The following RAB33A variants were observed in gnomAD, a reference collection of about 807,000 sequenced individuals.
RAB33A encodes the protein ras-related protein Rab-33A.
Under a neutral mutation model 12.0 loss-of-function variants are expected in RAB33A, and 6 were observed. The ratio of observed to expected loss-of-function variants is 0.50; its 90% CI spans 0.27 to 0.99. The LOEUF (loss-of-function observed/expected upper bound fraction) is 0.99. Ranked by LOEUF, RAB33A falls within the 50% of genes least tolerant of loss-of-function variation. The pLI is 0.11. For synonymous variants in RAB33A, 70 were observed against 82.4 expected (o/e 0.85, Z 0.81); for missense variants, 109 against 192.0 (o/e 0.57, Z 2.55).
Position 130,172,272 on chromosome X carries a change from C to T in RAB33A, c.210C>T (p.Gly70=). The change falls in exon 1 of 2, where the codon GGC becomes GGT. Residue 70 remains glycine, a synonymous_variant. Coordinates refer to ENST00000257017, the MANE Select transcript of RAB33A (RefSeq NM_004794.3). ...TFPDKTEATI[G]VDFREKTVEI... ...CAGACAAGACTGAAGCCACCATCGG[C>T]GTGGACTTCAGGGAGAAGACCGTGG... 1.7e-6 allele frequency: 2 copies of T among 1,211,619 alleles called. No individual in the cohort carries two copies. The highest frequency in any genetic ancestry group is 4.3e-5 in the Admixed American group (2 of 46,081).
the RAB33A span, chrX:130,165,422 C>T: frequency 1.0e-3 from 591 of 590,461 alleles, 5 homozygotes; most frequent in African/African-American, 0.012. Context: ...TCGGAGTCTG[C>T]CAATTTGGAA....
At chrX:130,147,567 T>C in the RAB33A span, 1 of 1,212,199 alleles carries the variant, frequency 8.2e-7, no homozygotes, top group Non-Finnish European at 1.1e-6. Flanking sequence ...ACCACAGTTC[T>C]TTTGAAAGAG....
the RAB33A span, chrX:130,133,163 T>C: frequency 2.9e-6 from 2 of 694,661 alleles, no homozygotes; most frequent in Non-Finnish European, 4.6e-6. Flanking sequence ...GATGGCTACC[T>C]GAGGGTAGAA....
intron 1 of RAB33A, among the ~76,000 whole-genome samples, chrX:130,176,106 C>G (rs2031661740): frequency 8.9e-6 from 1 of 111,774 alleles, no homozygotes; most frequent in East Asian, 2.8e-4. Context: ...TAAGAGATAG[C>G]TGACAGTCTT....
At chrX:130,182,309 A>G (rs2031740334) in intron 1 of RAB33A, among the ~76,000 whole-genome samples, 1 of 106,612 alleles carries the variant, frequency 9.4e-6, no homozygotes, top group Admixed American at 1.0e-4. Flanking sequence ...AGAAGAAAAT[A>G]TGGAAAAATA....
At chrX:130,115,724 AG>A in the RAB33A span, among the ~76,000 whole-genome samples, 1 of 111,244 alleles carries the variant, frequency 9.0e-6, no homozygotes, top group African/African-American at 3.3e-5. Flanking sequence ...AAAGAAAGAA[AG>A]AAAGAAAGAA....
chrX:130,177,900 G>T (rs1235418017), intron 1 of RAB33A, among the ~76,000 whole-genome samples: 1 of 112,284 alleles, frequency 8.9e-6, no homozygotes, highest in Admixed American at 9.4e-5. Flanking sequence ...TGGATATGGT[G>T]CCCACAGGAA....
chrX:130,179,046 GTTC>G (rs1233775274), intron 1 of RAB33A, among the ~76,000 whole-genome samples: 10 of 108,977 alleles, frequency 9.2e-5, no homozygotes, highest in African/African-American at 3.4e-4. Context: ...CACACCACTG[GTTC>G]TTCTATTTTC....
chrX:130,111,453 G>A, the RAB33A span, among the ~76,000 whole-genome samples: 2 of 112,971 alleles, frequency 1.8e-5, no homozygotes, highest in Non-Finnish European at 3.8e-5. Flanking sequence ...GCGGGAGGGC[G>A]GGCCGTGCGG....
At chrX:130,137,677 CA>C in the RAB33A span, 5 of 1,086,519 alleles carry the variant, frequency 4.6e-6, no homozygotes, top group Non-Finnish European at 6.0e-6. Flanking sequence ...CTGTAGTCTG[CA>C]TTGCCCTTAT....
chrX:130,151,119 G>A, the RAB33A span, among the ~76,000 whole-genome samples: 485 of 109,280 alleles, frequency 4.4e-3, 3 homozygotes, highest in African/African-American at 0.015. Flanking sequence ...AAGACAATCA[G>A]AGGAACTATC....
chrX:130,165,583 A>G, the RAB33A span: 3 of 1,199,124 alleles, frequency 2.5e-6, no homozygotes, highest in Middle Eastern at 2.3e-4. Context: ...CGGGCTTCGG[A>G]CGCACACGGT....
chrX:130,133,225 CATA>C, the RAB33A span: 1 of 1,141,601 alleles, frequency 8.8e-7, no homozygotes, highest in Non-Finnish European at 1.2e-6. Flanking sequence ...CTAACTGGCT[CATA>C]ATAAAACCAA....
the RAB33A span, among the ~76,000 whole-genome samples, chrX:130,132,543 C>G: frequency 8.9e-5 from 10 of 112,192 alleles, no homozygotes; most frequent in Non-Finnish European, 1.5e-4. Context: ...TTAGCCTCCA[C>G]TTTTCTTTTT....
chrX:130,116,277 G>T, the RAB33A span, among the ~76,000 whole-genome samples: 1 of 107,795 alleles, frequency 9.3e-6, no homozygotes, highest in African/African-American at 3.4e-5. Flanking sequence ...CTGCCACCAC[G>T]TCCAGCTAAT....
chrX:130,115,039 A>G, the RAB33A span, among the ~76,000 whole-genome samples: 7 of 110,248 alleles, frequency 6.3e-5, no homozygotes, highest in African/African-American at 2.3e-4. Context: ...CCTGGGCTCA[A>G]GCGATTCTCT....
chrX:130,156,678 A>G, the RAB33A span: 5 of 1,082,246 alleles, frequency 4.6e-6, no homozygotes, highest in Non-Finnish European at 6.4e-6. Context: ...TTAAATGTCA[A>G]TGCACTGTAC....
chrX:130,160,102 T>C, the RAB33A span, among the ~76,000 whole-genome samples: 1 of 112,217 alleles, frequency 8.9e-6, no homozygotes, highest in Non-Finnish European at 1.9e-5. Flanking sequence ...TGAAAAGAAA[T>C]GTAATACACT....
the RAB33A span, chrX:130,140,729 G>T: frequency 1.7e-6 from 1 of 600,222 alleles, no homozygotes; most frequent in South Asian, 2.4e-5. Context: ...GGAATTCTGT[G>T]GATTTCAGTA....
Sources: allele counts gnomAD v4.1 joint callset (sites outside exome capture counted in the v4.1 genomes callset), GRCh38; gene constraint gnomAD v4.1.1; transcripts MANE v1.5; gene names NCBI Gene and HGNC (gene_info 2026-07-23, HGNC 2026-07-21).